Variants in MTMR4 observed in about 807,000 individuals in gnomAD.
MTMR4 encodes the protein myotubularin related protein 4, also known as phosphatidylinositol-3,5-bisphosphate 3-phosphatase MTMR4.
In MTMR4, 30 loss-of-function variants were observed where a neutral mutation model predicts 125.5. The observed-to-expected ratio is 0.24, with a 90% confidence interval of 0.18 to 0.32. MTMR4 has a LOEUF of 0.32. Among genes scored for constraint, MTMR4 ranks in the 10% least tolerant of loss-of-function variants. MTMR4 has a pLI of 1.00. For synonymous variants in MTMR4, 498 were observed against 564.5 expected, an observed-to-expected ratio of 0.88 and a Z score of 1.67; for missense variants, 1,039 against 1,511.5, an observed-to-expected ratio of 0.69 and a Z score of 5.18.
intron 4 of MTMR4, among the ~76,000 whole-genome samples, chr17:58,510,126 C>A (rs1165728780): frequency 6.6e-6 from 1 of 152,208 alleles, no homozygotes; most frequent in African/African-American, 2.4e-5. Context: ...CTCAATATAG[C>A]AGCCAGTGTG....
chr17:58,511,477 C>T lies in MTMR4; in HGVS notation c.287G>A (p.Arg96His), dbSNP rs781198875. The change falls in exon 4 of 18, where the codon CGT becomes CAT. Residue 96 changes from arginine to histidine, a missense_variant. Physicochemically the swap from Arg to His is conservative, Grantham distance 29. Coordinates refer to ENST00000682306, the MANE Select transcript of MTMR4 (RefSeq NM_001378067.1). ...PLRMIDSVES[R>H]DMFQLHISCK... ...GGAAATGTGCAACTGGAACATATCA[C>T]GGCTCTCCACACTGTCAATCATCCG... 36 of 1,612,670 alleles carry T rather than the reference C, an allele frequency of 2.2e-5. No individual in the cohort carries two copies. The highest frequency in any genetic ancestry group is 4.0e-5 in the African/African-American group (3 of 74,898).
intron 14 of MTMR4, among the ~76,000 whole-genome samples, chr17:58,500,641 T>C (rs946062345): frequency 6.7e-6 from 1 of 149,646 alleles, no homozygotes; most frequent in Non-Finnish European, 1.5e-5. Flanking sequence ...TCCCAGATAC[T>C]CGGGAGGCTG....
Position 58,495,141 on chromosome 17 carries a change from G to C in MTMR4, c.3043C>G (p.Pro1015Ala), listed in dbSNP as rs375510977. 7 of 1,614,114 alleles carry C rather than the reference G, an allele frequency of 4.3e-6. No individual in the cohort carries two copies. The African/African-American group carries it at 9.3e-5, about 22-fold the overall frequency. ...AAATACAGAGGAGGCACTGGAGAAG[G>C]GCAGTTCAGTGGAACGGGCTTTGTG... ...SSTKPVPLNC[P>A]SPVPPLYLDD... Residue 1015 changes from proline to alanine, a missense_variant, in exon 15 of 18, where the codon CCT becomes GCT. Around this residue, in one of 6 missense-constraint regions of MTMR4, gnomAD observed 619 missense variants for 714.5 expected, o/e 0.87. Transcript: ENST00000682306.
In MTMR4 at chr17:58,511,431, C is replaced by T. The variant is rs1461698360; in HGVS notation, c.333G>A (p.Val111=). ...GAGTGAGGCTCCGTTGTTCTCACCT[C>T]ACCACTTTGGAGTCCTTGCAGGAAA... ...LHISCKDSKV[V]RCHFSTFKQC... The change falls in exon 4 of 18, where the codon GTG becomes GTA. Residue 111 remains valine (V), a splice_region_variant and synonymous_variant. Coordinates refer to ENST00000682306, the MANE Select transcript of MTMR4 (RefSeq NM_001378067.1). 6.2e-7 allele frequency: 1 copy of T among 1,611,288 alleles called. No individual in the cohort carries two copies.
chr17:58,495,442 G>T lies in MTMR4; in HGVS notation c.2742C>A (p.Phe914Leu). The T allele has an allele frequency of 6.2e-7, 1 of 1,614,256 alleles. No individual in the cohort carries two copies. Among genetic ancestry groups the T allele is most frequent in the South Asian group, 1.1e-5 (1 of 91,084 alleles). The change falls in exon 15 of 18, where the codon TTC becomes TTA. Residue 914 changes from phenylalanine to leucine, a missense_variant. Transcript: ENST00000682306. ...KPISQSQISE[F>L]SFLGSNWDSF... ...TGTCCCAGTTGGACCCTAGAAAAGA[G>T]AACTCACTGATCTGGCTCTGAGAAA...
intron 10 of MTMR4, 79 bp from the exon 11 acceptor site, chr17:58,505,053 C>T: frequency 7.2e-7 from 1 of 1,392,300 alleles, no homozygotes; most frequent in East Asian, 2.4e-5. Flanking sequence ...CAGCCAGCCC[C>T]ACCCAACAAA....
chr17:58,513,401 G>A (rs1281826499), intron 1 of MTMR4, among the ~76,000 whole-genome samples: 1 of 152,122 alleles, frequency 6.6e-6, no homozygotes, highest in Non-Finnish European at 1.5e-5. Flanking sequence ...AATCTGGTGG[G>A]TGAAGGAGAC....
At chr17:58,500,491 T>TG (rs1395328233) in intron 14 of MTMR4, among the ~76,000 whole-genome samples, 1 of 151,456 alleles carries the variant, frequency 6.6e-6, no homozygotes, top group Non-Finnish European at 1.5e-5. Context: ...TGGCCGGGTC[T>TG]GGTAATCCCA....
At chr17:58,513,783 A>G (rs1976002448) in intron 1 of MTMR4, among the ~76,000 whole-genome samples, 1 of 152,044 alleles carries the variant, frequency 6.6e-6, no homozygotes, top group African/African-American at 2.4e-5. Context: ...GGGAAGGAGC[A>G]TCAGCCAGAG....
chr17:58,502,049 ACT>A (rs1975649793), intron 14 of MTMR4, among the ~76,000 whole-genome samples: 1 of 151,566 alleles, frequency 6.6e-6, no homozygotes, highest in Non-Finnish European at 1.5e-5. Flanking sequence ...ACAGAGCGAA[ACT>A]CTGTCAAAAA....
In MTMR4 at chr17:58,491,785, C is replaced by G; in HGVS notation, c.3508G>C (p.Asp1170His). ...GCCHLKLPIPDQQLYDPVLVC... is the reference protein window; with the variant it reads ...GCCHLKLPIPHQQLYDPVLVC... ...AGAACTGGGTCATAGAGTTGCTGAT[C>G]AGGAATGGGCAGCTTCAGGTGGCAG... Residue 1170 changes from aspartate to histidine, a missense_variant, in exon 18 of 18, where the codon GAT becomes CAT. Transcript: ENST00000682306. 6.2e-7 allele frequency: 1 copy of G among 1,613,982 alleles called. No homozygotes were observed. Among genetic ancestry groups the G allele is most frequent in the South Asian group, 1.1e-5 (1 of 91,070 alleles).
rs766586638 is a variant in MTMR4, at chr17:58,504,235, G to A, written c.1528-15C>T. ...ACCAGTTTTACCTAGAAAGCAGAGA[G>A]AGCTTGCACCTGGGGGCCTCGGGCT... On this transcript the variant is annotated splice_polypyrimidine_tract_variant and intron_variant, in intron 12 of 17. Transcript: ENST00000682306. The surrounding 1 kb of genome is among the most constrained non-coding windows in gnomAD (Gnocchi z 7.1). 10 of 1,603,184 alleles carry A rather than the reference G, an allele frequency of 6.2e-6. No individual in the cohort carries two copies. Among genetic ancestry groups the A allele is most frequent in the Admixed American group, 1.7e-5 (1 of 59,458 alleles).
chr17:58,494,911 T>C, intron 15 of MTMR4, 21 bp downstream of exon 15: 1 of 1,605,144 alleles, frequency 6.2e-7, no homozygotes, highest in African/African-American at 1.3e-5. Context: ...AATGGGTGTA[T>C]GGCAGTTGGT....
Position 58,508,093 on chromosome 17 carries a change from C to T in MTMR4, c.707+68G>A, listed in dbSNP as rs1015068561. 1.6e-6 allele frequency: 2 copies of T among 1,232,896 alleles called. No individual in the cohort carries two copies. Among genetic ancestry groups the T allele is most frequent in the Admixed American group, 3.6e-5 (2 of 55,744 alleles). The allele number at this position is 1,232,896 out of a possible 1,614,324, so 76.4% of individuals were successfully genotyped here. A position where few individuals can be genotyped will look rare whatever the true frequency, so the allele number is the denominator to read the frequency against. On this transcript the variant is annotated intron_variant, in intron 7 of 17. Coordinates refer to ENST00000682306, the MANE Select transcript of MTMR4 (RefSeq NM_001378067.1). The surrounding 1 kb of genome is among the most constrained non-coding windows in gnomAD (Gnocchi z 4.8). ...CTCAGTCAACCAGGTTACCCAAAAT[C>T]TCCAATTTTGACTCTTTCCTTGTTG...
upstream of MTMR4, among the ~76,000 whole-genome samples, chr17:58,516,896 G>A (rs2042025460): frequency 6.6e-6 from 1 of 152,248 alleles, no homozygotes; most frequent in Non-Finnish European, 1.5e-5. Context: ...CAGGAGTCCT[G>A]ATTTCCAGAC....
rs768133657 is a variant in MTMR4 at position 58,504,244 on chromosome 17, C to T, written c.1528-24G>A. 2 of 1,603,184 alleles carry T rather than the reference C, an allele frequency of 1.2e-6. No individual in the cohort carries two copies. The highest frequency in any genetic ancestry group is 1.7e-5 in the Admixed American group (1 of 59,638). On this transcript the variant is annotated intron_variant, in intron 12 of 17. Transcript: ENST00000682306. This position sits in a 1 kb window ranked among gnomAD's most constrained non-coding sequence, Gnocchi z 7.1. The stretch of plus-strand genomic sequence containing the variant: ...ACCTAGAAAGCAGAGAGAGCTTGCA[C>T]CTGGGGGCCTCGGGCTGTCATTCCC...
At chr17:58,499,337 A>G (rs1453379241) in intron 14 of MTMR4, among the ~76,000 whole-genome samples, 1 of 151,898 alleles carries the variant, frequency 6.6e-6, no homozygotes, top group Non-Finnish European at 1.5e-5. Flanking sequence ...ACTTGAGGTC[A>G]GGAGTTCGAG....
At chr17:58,499,581 C>T (rs887227596) in intron 14 of MTMR4, among the ~76,000 whole-genome samples, 1 of 152,000 alleles carries the variant, frequency 6.6e-6, no homozygotes, top group Non-Finnish European at 1.5e-5. Flanking sequence ...TCTCCACTAA[C>T]CTTGTTACTG....
rs1037256352 is a variant in MTMR4 at position 58,508,406 on chromosome 17, C to G, written c.593+62G>C. ...TCAGACTCAGAAGCTGTGCCCACCA[C>G]ACTTTATCCAAACACGGAAGTAGTT... is the stretch of plus-strand genomic sequence containing the variant. On this transcript the variant is annotated intron_variant, in intron 6 of 17. Coordinates refer to ENST00000682306, the MANE Select transcript of MTMR4 (RefSeq NM_001378067.1). This position sits in a 1 kb window ranked among gnomAD's most constrained non-coding sequence, Gnocchi z 4.8. 8.8e-6 allele frequency: 14 copies of G among 1,586,294 alleles called. No homozygotes were observed. In the African/African-American group the frequency reaches 1.9e-4, roughly 21 times the overall value.
Sources: allele counts gnomAD v4.1 joint callset (sites outside exome capture counted in the v4.1 genomes callset), GRCh38; gene constraint gnomAD v4.1.1; regional missense constraint gnomAD v4.1.1; non-coding constraint Gnocchi (gnomAD v3.1); transcripts MANE v1.5; gene names NCBI Gene and HGNC (gene_info 2026-07-23, HGNC 2026-07-21).